CCDC69: variants seen among roughly 807,000 people sequenced by gnomAD.
The protein encoded by CCDC69 is coiled-coil domain containing 69, also known as coiled-coil domain-containing protein 69.
Under a neutral mutation model 40.3 loss-of-function variants are expected in CCDC69, and 38 were observed. The observed-to-expected ratio is 0.94, with a 90% CI of 0.73 to 1.24. The LOEUF (loss-of-function observed/expected upper bound fraction) is 1.24. CCDC69 is among the 50% of genes most tolerant of loss of function. The pLI is 0.00. For missense variants in CCDC69, 389 were observed against 357.9 expected, an observed-to-expected ratio of 1.09 and a Z score of -0.70; for synonymous variants, 141 against 138.9, an observed-to-expected ratio of 1.02 and a Z score of -0.11.
intron 3 of CCDC69, 129 bp from the exon 4 acceptor site, chr5:151,199,213 G>T (rs1752746654): frequency 1.3e-6 from 1 of 743,368 alleles, no homozygotes; most frequent in South Asian, 1.5e-5. Context: ...GGATGGGAAT[G>T]ACACGCCCAG....
chr5:151,198,983 A>G lies in CCDC69; in HGVS notation c.319+14T>C, dbSNP rs1200482350. On this transcript the variant is annotated intron_variant, in intron 4 of 8. Transcript: ENST00000355417. ...CCCCCACCACCTTGGCCAGTGGAACATCTCTACCCTTACCTTGCAGGGCCT... is the reference window on the plus strand; with the variant it reads ...CCCCCACCACCTTGGCCAGTGGAACGTCTCTACCCTTACCTTGCAGGGCCT... 1.2e-6 allele frequency: 2 copies of G among 1,610,016 alleles called. No homozygotes were observed. The highest frequency in any genetic ancestry group is 3.3e-5 in the Admixed American group (2 of 60,008).
At chr5:151,221,841 G>T (rs541842888) in intron 1 of CCDC69, among the ~76,000 whole-genome samples, 1 of 152,386 alleles carries the variant, frequency 6.6e-6, no homozygotes, top group East Asian at 1.9e-4. Context: ...CTCCCAGGGG[G>T]CTGGTAGCCT....
At chr5:151,208,338 A>G (rs1474513495) in intron 1 of CCDC69, among the ~76,000 whole-genome samples, 3 of 152,372 alleles carry the variant, frequency 2.0e-5, no homozygotes, top group Non-Finnish European at 2.9e-5. Context: ...CCTAAACTGA[A>G]GAACCACTGA....
intron 5 of CCDC69, 122 bp downstream of exon 5, chr5:151,187,264 C>T (rs1452220404): frequency 5.3e-6 from 4 of 751,020 alleles, no homozygotes; most frequent in Non-Finnish European, 6.9e-6. Context: ...AGAAGGCAAT[C>T]ACCTCAGCCC....
intron 1 of CCDC69, among the ~76,000 whole-genome samples, chr5:151,206,172 C>G (rs1488783396): frequency 6.6e-6 from 1 of 152,176 alleles, no homozygotes; most frequent in African/African-American, 2.4e-5. Flanking sequence ...TGGGAAAACA[C>G]TTACTTATAA....
Position 151,183,461 on chromosome 5 carries a change from A to G in CCDC69, c.867T>C (p.Thr289=), listed in dbSNP as rs758326178. ...PAFPLAPVTP[T]EVSFLAT is the part of the protein sequence containing the mutation. ...CCTATGTGGCGAGGAAAGAGACCTCAGTGGGAGTGACAGGGGCCAGAGGGA... is the reference window on the plus strand; with the variant it reads ...CCTATGTGGCGAGGAAAGAGACCTCGGTGGGAGTGACAGGGGCCAGAGGGA... Residue 289 remains threonine (T), a synonymous_variant, in exon 9 of 9, where the codon ACT becomes ACC. Transcript: ENST00000355417. 1.9e-6 allele frequency: 3 copies of G among 1,604,986 alleles called. No homozygotes were observed. The highest frequency in any genetic ancestry group is 1.1e-5 in the South Asian group (1 of 88,744).
chr5:151,189,567 A>C (rs916224103), intron 4 of CCDC69, among the ~76,000 whole-genome samples: 10 of 144,488 alleles, frequency 6.9e-5, no homozygotes, highest in African/African-American at 2.6e-4. Flanking sequence ...GGTGCAGTGC[A>C]AAAAAAAAAA....
intron 8 of CCDC69, among the ~76,000 whole-genome samples, 174 bp from the exon 9 acceptor site, chr5:151,183,788 G>A (rs893132053): frequency 2.0e-5 from 3 of 152,176 alleles, no homozygotes; most frequent in Non-Finnish European, 4.4e-5. Flanking sequence ...CAAGGAGCGG[G>A]GGCCTCACAG....
chr5:151,211,599 T>C (rs759343606), intron 1 of CCDC69, among the ~76,000 whole-genome samples: 8 of 145,738 alleles, frequency 5.5e-5, no homozygotes, highest in Non-Finnish European at 1.2e-4. Context: ...CTTGGCTCAA[T>C]TGCAACCTCT....
chr5:151,190,291 G>T (rs1752589467), intron 4 of CCDC69, among the ~76,000 whole-genome samples: 1 of 152,200 alleles, frequency 6.6e-6, no homozygotes, highest in Admixed American at 6.5e-5. Flanking sequence ...TGTAATACAT[G>T]AGATAAATGT....
rs1393438911 is a variant in CCDC69 at position 151,183,589 on chromosome 5, TGAGAAGCAGGTCTTCTGACA to T, written c.719_738del (p.Leu240HisfsTer3). The T allele has an allele frequency of 6.2e-7, 1 of 1,612,022 alleles. No homozygotes were observed. The highest frequency in any genetic ancestry group is 1.1e-5 in the South Asian group (1 of 90,468). ...ACCTCCTTCTCCAGGGCCTCACGCG[TGAGAAGCAGGTCTTCTGACA>T]GCTGCCTGTGGATGCACACAGAGCC... On this transcript the variant is annotated frameshift_variant, in exon 9 of 9. Coordinates refer to ENST00000355417, the MANE Select transcript of CCDC69 (RefSeq NM_015621.3). LOFTEE classifies it high-confidence loss of function.
chr5:151,187,533 G>T, intron 4 of CCDC69, 74 bp from the exon 5 acceptor site: 1 of 1,248,322 alleles, frequency 8.0e-7, no homozygotes. Context: ...TTGGTGGCCA[G>T]GAAGGTCCAG....
At chr5:151,197,474 G>C (rs1752715785) in intron 4 of CCDC69, among the ~76,000 whole-genome samples, 1 of 152,160 alleles carries the variant, frequency 6.6e-6, no homozygotes, top group Non-Finnish European at 1.5e-5. Flanking sequence ...AGTGAGCCGA[G>C]ATCGTGCCAC....
At chr5:151,213,412 ATTT>A in intron 1 of CCDC69, among the ~76,000 whole-genome samples, 1 of 144,090 alleles carries the variant, frequency 6.9e-6, no homozygotes, top group East Asian at 2.0e-4. Context: ...ATGTCCGGCT[ATTT>A]TTTTTTTTTT....
rs1411440041 is a variant in CCDC69 at position 151,199,133 on chromosome 5, C to T, written c.232-49G>A. On this transcript the variant is annotated intron_variant, in intron 3 of 8. Transcript: ENST00000355417. ...GGACTGAGATTGAGCAGGATCAGCA[C>T]AGCATCTCTTATCCCCTCACCTGGG... 9 of 1,474,882 alleles carry T rather than the reference C, an allele frequency of 6.1e-6. No homozygotes were observed. The Admixed American group carries it at 1.3e-4, about 22-fold the overall frequency. The allele number at this position is 1,474,882 out of a possible 1,614,324, so 91.4% of individuals were successfully genotyped here. A position where few individuals can be genotyped will look rare whatever the true frequency, so the allele number is the denominator to read the frequency against.
At position 151,182,990 on chromosome 5, in the gene CCDC69, G is replaced by T. The variant is rs759676748; in HGVS notation, c.*447C>A. 1.5e-5 allele frequency: 7 copies of T among 456,660 alleles called. No individual in the cohort carries two copies. The highest frequency in any genetic ancestry group is 3.1e-5 in the Non-Finnish European group (7 of 227,066). 28.3% of individuals were successfully genotyped at this position (456,660 alleles called of 1,614,324 possible). A position where few individuals can be genotyped will look rare whatever the true frequency, so the allele number is the denominator to read the frequency against. On this transcript the variant is annotated 3_prime_UTR_variant, in exon 9 of 9. Transcript: ENST00000355417. ...AGTCCCCCCACCATTTTAATGCAGG[G>T]GTAAACTGAGGCTCTGAGCAGGCCA...
Position 151,195,594 on chromosome 5 carries a change from C to G in CCDC69, c.319+3403G>C, listed in dbSNP as rs191055278. ...ATTAGCCAGGCGTGGTTGCAGGTGCCTGTAATCCCAGCTACTCGGGAGGCT... is the reference window on the plus strand; with the variant it reads ...ATTAGCCAGGCGTGGTTGCAGGTGCGTGTAATCCCAGCTACTCGGGAGGCT... On this transcript the variant is annotated intron_variant, in intron 4 of 8. Transcript: ENST00000355417. Among the ~76,000 whole-genome samples the G allele has an allele frequency of 2.2e-3, 340 of 151,970 alleles. 2 individuals are homozygous for G. Among genetic ancestry groups the G allele is most frequent in the African/African-American group, 8.0e-3 (333 of 41,420 alleles).
At chr5:151,203,372 TG>T (rs1190385549) in intron 2 of CCDC69, among the ~76,000 whole-genome samples, 1 of 151,450 alleles carries the variant, frequency 6.6e-6, no homozygotes, top group Non-Finnish European at 1.5e-5. Flanking sequence ...TAGGTGGGCA[TG>T]GTGGCAGGCG....
intron 4 of CCDC69, among the ~76,000 whole-genome samples, chr5:151,197,295 A>G (rs1752713259): frequency 6.6e-6 from 1 of 152,208 alleles, no homozygotes; most frequent in Non-Finnish European, 1.5e-5. Context: ...TGGGAGGCCG[A>G]GGTGGGCGGA....
Sources: gnomAD v4.1 joint callset for allele counts (sites outside exome capture counted in the v4.1 genomes callset) on GRCh38, gnomAD v4.1.1 for gene constraint, MANE v1.5 for transcripts, NCBI Gene and HGNC (gene_info 2026-07-23, HGNC 2026-07-21) for gene names.